The following DLGAP2 variants were observed in gnomAD, a reference collection of about 807,000 sequenced individuals.
DLGAP2 encodes disks large-associated protein 2.
In DLGAP2, 26 loss-of-function variants were observed where a neutral mutation model predicts 100.3. The ratio of observed to expected loss-of-function variants is 0.26; its 90% CI spans 0.19 to 0.36. The LOEUF is 0.36. Among genes scored for constraint, DLGAP2 ranks in the 10% least tolerant of loss-of-function variants. The probability of loss-of-function intolerance (pLI) is 1.00; values close to 1 mark genes in which losing one functional copy is unlikely to be tolerated. For synonymous variants in DLGAP2, 886 were observed against 630.1 expected (o/e 1.41, Z -6.08); for missense variants, 1,858 against 1,453.2 (o/e 1.28, Z -4.53).
At chr8:1,165,209 G>A (rs1403153611) in intron 2 of DLGAP2, among the ~76,000 whole-genome samples, 8 of 149,918 alleles carry the variant, frequency 5.3e-5, no homozygotes, top group African/African-American at 2.0e-4. Flanking sequence ...AGGTAGAGGG[G>A]GAGATGGGGG....
intron 2 of DLGAP2, among the ~76,000 whole-genome samples, chr8:971,622 G>C (rs999417358): frequency 3.9e-5 from 6 of 152,162 alleles, no homozygotes; most frequent in Non-Finnish European, 7.3e-5. Flanking sequence ...TTATTTCTAG[G>C]AGCCACACCA....
chr8:1,415,013 G>A (rs543347145), intron 3 of DLGAP2, among the ~76,000 whole-genome samples: 7 of 150,192 alleles, frequency 4.7e-5, no homozygotes, highest in Non-Finnish European at 1.0e-4. Flanking sequence ...CGTCTCAAAA[G>A]AAAAAAAAAG....
chr8:1,459,521 G>T (rs1012736715), intron 3 of DLGAP2, among the ~76,000 whole-genome samples: 2 of 152,212 alleles, frequency 1.3e-5, no homozygotes, highest in East Asian at 3.9e-4. Flanking sequence ...CTTTAAATGG[G>T]CTTGGGCTCA....
At chr8:1,332,050 G>T (rs1040283175) in intron 3 of DLGAP2, among the ~76,000 whole-genome samples, 5 of 152,230 alleles carry the variant, frequency 3.3e-5, no homozygotes, top group African/African-American at 1.2e-4. Context: ...CAGTGTTGGG[G>T]TGCAGCCCTC....
At chr8:1,639,361 A>G (rs991793490) in intron 8 of DLGAP2, among the ~76,000 whole-genome samples, 1 of 152,206 alleles carries the variant, frequency 6.6e-6, no homozygotes, top group Non-Finnish European at 1.5e-5. Context: ...CAGTGGGAAC[A>G]GAGGCTGTCC....
chr8:1,068,279 C>T (rs192344967), intron 2 of DLGAP2, among the ~76,000 whole-genome samples: 103 of 152,296 alleles, frequency 6.8e-4, no homozygotes, highest in Middle Eastern at 3.4e-3. Flanking sequence ...TGCAGGCTTT[C>T]GTGTGGATGT....
At chr8:915,794 T>C (rs1798580158) in intron 2 of DLGAP2, among the ~76,000 whole-genome samples, 1 of 151,624 alleles carries the variant, frequency 6.6e-6, no homozygotes, top group Non-Finnish European at 1.5e-5. Context: ...CCGTGTGTGT[T>C]AACCATGAGT....
At chr8:816,730 G>T (rs1375067366) in intron 1 of DLGAP2, among the ~76,000 whole-genome samples, 2 of 152,120 alleles carry the variant, frequency 1.3e-5, no homozygotes, top group African/African-American at 2.4e-5. Flanking sequence ...AATTTCCTGG[G>T]TGTTCTTTGA....
At chr8:1,066,623 G>A (rs551561485) in intron 2 of DLGAP2, among the ~76,000 whole-genome samples, 79 of 151,966 alleles carry the variant, frequency 5.2e-4, no homozygotes, top group Non-Finnish European at 9.3e-4. Flanking sequence ...TCCCCACCAC[G>A]GTCAGGTCTG....
At chr8:778,535 C>G (rs558361701) in intron 1 of DLGAP2, among the ~76,000 whole-genome samples, 2 of 152,276 alleles carry the variant, frequency 1.3e-5, no homozygotes, top group African/African-American at 2.4e-5. Flanking sequence ...GTGTGGATGT[C>G]CTTTCTGTTT....
In DLGAP2 at chr8:1,095,270, A is replaced by G. The variant is rs138796982; in HGVS notation, c.74-163581A>G. ...TAGTTGCGTTAGGGCCACGTTTGGGAAAGAACAGAGAGATGGGTTTAGCAC... is the reference window on the plus strand; with the variant it reads ...TAGTTGCGTTAGGGCCACGTTTGGGGAAGAACAGAGAGATGGGTTTAGCAC... On this transcript the variant is annotated intron_variant, in intron 2 of 14. Coordinates refer to ENST00000637795, the MANE Select transcript of DLGAP2 (RefSeq NM_001346810.2). Among the ~76,000 whole-genome samples, 413 of 152,298 alleles carry G rather than the reference A, an allele frequency of 2.7e-3. 1 individual carries two copies. Among genetic ancestry groups the G allele is most frequent in the African/African-American group, 9.5e-3 (396 of 41,552 alleles).
intron 6 of DLGAP2, among the ~76,000 whole-genome samples, chr8:1,607,896 C>T (rs1297058495): frequency 1.1e-4 from 16 of 147,588 alleles, no homozygotes; most frequent in East Asian, 8.1e-4. Flanking sequence ...CCTACGCCCA[C>T]GGAATCTCGC....
At chr8:767,500 G>A (rs937913933) in intron 1 of DLGAP2, among the ~76,000 whole-genome samples, 2 of 151,986 alleles carry the variant, frequency 1.3e-5, no homozygotes, top group Non-Finnish European at 2.9e-5. Flanking sequence ...GGGATTAGAG[G>A]CACCTGGCAC....
At chr8:1,085,631 A>C (rs1803950815) in intron 2 of DLGAP2, among the ~76,000 whole-genome samples, 2 of 152,140 alleles carry the variant, frequency 1.3e-5, no homozygotes, top group African/African-American at 4.8e-5. Context: ...GTTGATGTGC[A>C]TATTTTTATG....
At chr8:1,526,720 A>T (rs1461909857) in intron 4 of DLGAP2, among the ~76,000 whole-genome samples, 1 of 152,146 alleles carries the variant, frequency 6.6e-6, no homozygotes, top group Non-Finnish European at 1.5e-5. Flanking sequence ...TCCAGCCACT[A>T]ACTCCACATC....
chr8:1,541,810 A>G (rs1027582121), intron 4 of DLGAP2, among the ~76,000 whole-genome samples: 8 of 152,250 alleles, frequency 5.3e-5, no homozygotes, highest in African/African-American at 1.7e-4. Context: ...AGATTTACTA[A>G]TTTATACCTT....
At chr8:1,508,134 C>A (rs1034824806) in intron 4 of DLGAP2, among the ~76,000 whole-genome samples, 5 of 151,844 alleles carry the variant, frequency 3.3e-5, no homozygotes, top group African/African-American at 9.7e-5. Flanking sequence ...TAAAGTTAGA[C>A]ACATCTAACA....
At chr8:1,579,065 C>A (rs1474932524) in intron 6 of DLGAP2, among the ~76,000 whole-genome samples, 1 of 152,150 alleles carries the variant, frequency 6.6e-6, no homozygotes, top group African/African-American at 2.4e-5. Flanking sequence ...ACTTGAATAA[C>A]TAATTCAATT....
chr8:1,036,371 G>C (rs34342001), intron 2 of DLGAP2, among the ~76,000 whole-genome samples: 32,450 of 150,448 alleles, frequency 0.22, 3,917 homozygotes, highest in African/African-American at 0.26. Context: ...AAGACCCCCC[G>C]ACGTGTGGTG....
Sources: gnomAD v4.1 joint callset for allele counts (sites outside exome capture counted in the v4.1 genomes callset) on GRCh38, gnomAD v4.1.1 for gene constraint, MANE v1.5 for transcripts, NCBI Gene and HGNC (gene_info 2026-07-23, HGNC 2026-07-21) for gene names.